SYCP2: variants seen among roughly 807,000 people sequenced by gnomAD.
SYCP2 encodes the protein synaptonemal complex lateral element protein.
Under a neutral mutation model 211.3 loss-of-function variants are expected in SYCP2, and 55 were observed. The observed-to-expected ratio is 0.26, with a 90% CI of 0.21 to 0.33. The LOEUF is 0.33. Among genes scored for constraint, SYCP2 ranks in the 10% least tolerant of loss-of-function variants. The pLI, the probability that SYCP2 is intolerant of heterozygous loss-of-function variation, is 1.00. For missense variants in SYCP2, 1,731 were observed against 1,752.0 expected (o/e 0.99, Z 0.21); for synonymous variants, 570 against 555.2 (o/e 1.03, Z -0.37).
chr20:59,907,445 T>G, intron 14 of SYCP2, 21 bp from the exon 15 acceptor site: 1 of 1,595,510 alleles, frequency 6.3e-7, no homozygotes, highest in South Asian at 1.1e-5. Context: ...AAAGCAGGTT[T>G]TGGCCATAAA....
At chr20:59,907,753 T>A (rs576188221) in intron 14 of SYCP2, among the ~76,000 whole-genome samples, 4 of 152,310 alleles carry the variant, frequency 2.6e-5, no homozygotes, top group African/African-American at 9.6e-5. Context: ...TGAAATATTT[T>A]ATGAAGTCAT....
intron 24 of SYCP2, among the ~76,000 whole-genome samples, chr20:59,889,552 T>C (rs960067558): frequency 1.1e-4 from 16 of 152,156 alleles, no homozygotes; most frequent in African/African-American, 3.6e-4. Context: ...TTTTTAGTTG[T>C]AGTAATATAC....
At chr20:59,885,043 A>G (rs1456726647) in intron 26 of SYCP2, 1 of 152,020 alleles carries the variant, frequency 6.6e-6, no homozygotes, top group Non-Finnish European at 1.5e-5. Context: ...GAGCCTACTG[A>G]CTCAGTTTAA....
intron 20 of SYCP2, among the ~76,000 whole-genome samples, chr20:59,894,030 T>C (rs1479785296): frequency 6.6e-6 from 1 of 152,110 alleles, no homozygotes; most frequent in Non-Finnish European, 1.5e-5. Flanking sequence ...TTTGTTTAGC[T>C]AAGTTTTTTA....
chr20:59,880,208 C>A, intron 31 of SYCP2, 95 bp downstream of exon 31: 1 of 952,526 alleles, frequency 1.0e-6, no homozygotes. Context: ...TAGTAATGAA[C>A]AGTCTAAATA....
At position 59,919,617 on chromosome 20, in the gene SYCP2, T is replaced by G. The variant is rs2060503848; in HGVS notation, c.298-20A>C. On this transcript the variant is annotated intron_variant, in intron 5 of 44. Transcript: ENST00000357552. ...AACCATGTAAAAAAAGGAATGAACT[T>G]ATTAGAGTTCCATTTTAATAATTTT... 7.0e-7 allele frequency: 1 copy of G among 1,425,644 alleles called. No individual in the cohort carries two copies. The allele number at this position is 1,425,644 out of a possible 1,614,324, so 88.3% of individuals were successfully genotyped here.
intron 35 of SYCP2, among the ~76,000 whole-genome samples, chr20:59,870,380 ACAAT>A (rs1366715671): frequency 2.1e-5 from 3 of 146,052 alleles, no homozygotes; most frequent in Non-Finnish European, 4.7e-5. Context: ...TGGAGATAAA[ACAAT>A]CAATAGTTTT....
At position 59,869,961 on chromosome 20, in the gene SYCP2, C is replaced by T. The variant is rs2059419571; in HGVS notation, c.3578G>A (p.Ser1193Asn). The T allele has an allele frequency of 6.3e-7, 1 of 1,599,346 alleles. No individual in the cohort carries two copies. Among genetic ancestry groups the T allele is most frequent in the East Asian group, 2.2e-5 (1 of 44,570 alleles). The part of the protein sequence containing the change: ...LFLPRHTPTK[S>N]NTIVNRKKIS... Reference sequence around the variant, plus strand: ...TTTTTTTCTATTTACAATAGTATTACTCTTAGTTGGAGTATGTCTGGGCTA... The same window carrying T: ...TTTTTTTCTATTTACAATAGTATTATTCTTAGTTGGAGTATGTCTGGGCTA... The change falls in exon 36 of 45, where the codon AGT becomes AAT. Residue 1193 changes from serine to asparagine, a missense_variant. Coordinates refer to ENST00000357552, the MANE Select transcript of SYCP2 (RefSeq NM_014258.4).
intron 1 of SYCP2, among the ~76,000 whole-genome samples, chr20:59,932,587 T>C (rs754765856): frequency 6.6e-6 from 1 of 151,822 alleles, no homozygotes; most frequent in Non-Finnish European, 1.5e-5. Context: ...AGCAGGAGAA[T>C]CGCTGGAACC....
At chr20:59,896,598 T>G in intron 18 of SYCP2, 70 bp from the exon 19 acceptor site, 1 of 803,974 alleles carries the variant, frequency 1.2e-6, no homozygotes, top group South Asian at 1.5e-5. Flanking sequence ...ACAATTTTAC[T>G]TATAACATTT....
chr20:59,876,325 G>A (rs1306240531), intron 33 of SYCP2, among the ~76,000 whole-genome samples: 1 of 118,770 alleles, frequency 8.4e-6, no homozygotes, highest in Non-Finnish European at 1.6e-5. Flanking sequence ...GAACCAAGAT[G>A]ACACCACTGC....
intron 15 of SYCP2, among the ~76,000 whole-genome samples, chr20:59,905,418 ACACT>A (rs2060195746): frequency 6.6e-6 from 1 of 152,216 alleles, no homozygotes; most frequent in Admixed American, 6.5e-5. Context: ...CAATGGACTA[ACACT>A]CAGCAATAAA....
rs1339301236 is a variant in SYCP2 at position 59,868,494 on chromosome 20, C to T, written c.3907G>A (p.Glu1303Lys). ...NLSNSNEVEM[E>K]EKGERRANLL... ...TTTGCTCTCCTTTCTCCTTTCTCTT[C>T]CATTTCTACTTCATTGGAATTACTT... The change falls in exon 38 of 45, where the codon GAA becomes AAA. Residue 1303 changes from glutamate (E) to lysine (K), a missense_variant. Transcript: ENST00000357552. 1.2e-6 allele frequency: 2 copies of T among 1,611,130 alleles called. No homozygotes were observed. Among genetic ancestry groups the T allele is most frequent in the African/African-American group, 2.7e-5 (2 of 74,750 alleles).
At chr20:59,927,344 AT>A (rs2060652139) in intron 2 of SYCP2, among the ~76,000 whole-genome samples, 1 of 152,142 alleles carries the variant, frequency 6.6e-6, no homozygotes, top group South Asian at 2.1e-4. Context: ...CTGCTGAAAC[AT>A]CTTTATGTAT....
At position 59,892,661 on chromosome 20, in the gene SYCP2, G is replaced by C. The variant is rs200064162; in HGVS notation, c.1834C>G (p.His612Asp). The change falls in exon 23 of 45, where the codon CAC (histidine) becomes GAC (aspartate). Residue 612 changes from histidine to aspartate, a missense_variant. Around this residue, in one of 3 missense-constraint regions of SYCP2, gnomAD observed 1,387 missense variants for 1,351.3 expected, o/e 1.03. Transcript: ENST00000357552. ...VLDNICGNKI[H>D]SKWACWTPVT... Reference sequence around the variant, plus strand: ...GGTGTCCAACATGCCCATTTGCTGTGTATTTTATTTCCACAGATGTTGTCT... The same window carrying C: ...GGTGTCCAACATGCCCATTTGCTGTCTATTTTATTTCCACAGATGTTGTCT... 2.9e-5 allele frequency: 47 copies of C among 1,609,398 alleles called. 1 individual carries two copies. The African/African-American group carries it at 4.0e-4, about 14-fold the overall frequency.
chr20:59,892,423 A>G lies in SYCP2; in HGVS notation c.1931T>C (p.Ile644Thr), dbSNP rs761288072. The G allele has an allele frequency of 1.4e-5, 21 of 1,496,632 alleles. No individual in the cohort carries two copies. In the Admixed American group the frequency reaches 2.9e-4, roughly 21 times the overall value. The allele number at this position is 1,496,632 out of a possible 1,614,324, so 92.7% of individuals were successfully genotyped here. Reference protein sequence around the residue: ...TSSGDTLNQDIVINKKLTKQK... With the variant: ...TSSGDTLNQDTVINKKLTKQK... Reference sequence around the variant, plus strand: ...TTTAGTAAGTTTTTTATTTATAACAATATCTATTGGGGAAAATGAGAAATT... The same window carrying G: ...TTTAGTAAGTTTTTTATTTATAACAGTATCTATTGGGGAAAATGAGAAATT... Residue 644 changes from isoleucine to threonine, a missense_variant, in exon 24 of 45, where the codon ATT (isoleucine) becomes ACT (threonine). Physicochemically the swap from Ile to Thr is moderately conservative, Grantham distance 89. Coordinates refer to ENST00000357552, the MANE Select transcript of SYCP2 (RefSeq NM_014258.4).
At chr20:59,920,264 AAATT>A in intron 5 of SYCP2, 91 bp downstream of exon 5, 1 of 1,167,926 alleles carries the variant, frequency 8.6e-7, no homozygotes, top group Non-Finnish European at 1.2e-6. Flanking sequence ...TAAAGTTCCT[AAATT>A]TATTTTCAAC....
chr20:59,892,397 G>C lies in SYCP2; in HGVS notation c.1957C>G (p.Gln653Glu), dbSNP rs1168492340. The change falls in exon 24 of 45, where the codon CAA (glutamine) becomes GAA (glutamate). Residue 653 changes from glutamine to glutamate, a missense_variant. Physicochemically the swap from Gln to Glu is conservative, Grantham distance 29. Coordinates refer to ENST00000357552, the MANE Select transcript of SYCP2 (RefSeq NM_014258.4). ...DIVINKKLTK[Q>E]KSSSSISDHN... ...TCAGATATTGAAGAGGATGATTTTT[G>C]TTTAGTAAGTTTTTTATTTATAACA... is the stretch of plus-strand genomic sequence containing the variant. 6 of 1,541,876 alleles carry C rather than the reference G, an allele frequency of 3.9e-6. No homozygotes were observed. The highest frequency in any genetic ancestry group is 5.3e-6 in the Non-Finnish European group (6 of 1,138,176).
chr20:59,917,418 G>C (rs1048051609), intron 7 of SYCP2, among the ~76,000 whole-genome samples: 4 of 152,086 alleles, frequency 2.6e-5, no homozygotes, highest in African/African-American at 9.7e-5. Flanking sequence ...TGGAAATACT[G>C]TAACAACAAA....
Sources: allele counts gnomAD v4.1 joint callset (sites outside exome capture counted in the v4.1 genomes callset), GRCh38; gene constraint gnomAD v4.1.1; regional missense constraint gnomAD v4.1.1; transcripts MANE v1.5; gene names NCBI Gene and HGNC (gene_info 2026-07-23, HGNC 2026-07-21).